Variants in MAGI1 observed in about 807,000 individuals in gnomAD.
MAGI1 encodes the protein membrane associated guanylate kinase, WW and PDZ domain containing 1.
In MAGI1, 58 loss-of-function variants were observed where a neutral mutation model predicts 139.9. That is an observed-to-expected ratio of 0.41 (90% CI 0.34 to 0.52). MAGI1 has a LOEUF of 0.52. MAGI1 is among the 20% of genes least tolerant of loss of function. The pLI, the probability that MAGI1 is intolerant of heterozygous loss-of-function variation, is 0.12. For missense variants in MAGI1, 1,874 were observed against 1,901.6 expected, an observed-to-expected ratio of 0.99 and a Z score of 0.27; for synonymous variants, 812 against 737.9, an observed-to-expected ratio of 1.10 and a Z score of -1.63.
intron 1 of MAGI1, among the ~76,000 whole-genome samples, chr3:65,791,186 C>T (rs553701327): frequency 6.6e-6 from 1 of 152,346 alleles, no homozygotes; most frequent in African/African-American, 2.4e-5. Flanking sequence ...TCCATTACTG[C>T]CAACCTCTCT....
chr3:65,877,279 G>A (rs1251929684), intron 1 of MAGI1, among the ~76,000 whole-genome samples: 1 of 152,138 alleles, frequency 6.6e-6, no homozygotes, highest in Non-Finnish European at 1.5e-5. Flanking sequence ...ATGTATGGGA[G>A]AGAAGAAATG....
chr3:66,023,956 T>G (rs2107563538), intron 1 of MAGI1, among the ~76,000 whole-genome samples: 1 of 152,266 alleles, frequency 6.6e-6, no homozygotes, highest in Non-Finnish European at 1.5e-5. Flanking sequence ...TCTCCCCAGC[T>G]CTTCATAACT....
intron 3 of MAGI1, among the ~76,000 whole-genome samples, chr3:65,481,718 T>C (rs991207444): frequency 7.2e-5 from 11 of 152,200 alleles, no homozygotes; most frequent in Admixed American, 4.6e-4. Flanking sequence ...TTATTAATCA[T>C]TTAAAATCAA....
intron 1 of MAGI1, among the ~76,000 whole-genome samples, chr3:65,984,160 G>A (rs1205473610): frequency 6.6e-6 from 1 of 152,148 alleles, no homozygotes; most frequent in African/African-American, 2.4e-5. Context: ...CAAGCATGGT[G>A]GCAGGAACCT....
At chr3:65,834,452 G>C (rs1345687496) in intron 1 of MAGI1, among the ~76,000 whole-genome samples, 1 of 152,176 alleles carries the variant, frequency 6.6e-6, no homozygotes, top group Non-Finnish European at 1.5e-5. Flanking sequence ...AATATACTCT[G>C]TATGATTTCA....
intron 1 of MAGI1, chr3:65,687,938 G>A (rs2088204298): frequency 1.4e-6 from 1 of 704,010 alleles, no homozygotes; most frequent in African/African-American, 1.8e-5. Context: ...GCTGGTTCAA[G>A]GAAAATGGCT....
intron 1 of MAGI1, among the ~76,000 whole-genome samples, chr3:65,806,282 A>C (rs186532782): frequency 6.6e-6 from 1 of 152,090 alleles, no homozygotes; most frequent in East Asian, 1.9e-4. Context: ...TACAAAAATT[A>C]GCCGGGCATG....
intron 1 of MAGI1, among the ~76,000 whole-genome samples, chr3:65,792,999 A>G (rs1204668780): frequency 6.6e-6 from 1 of 151,980 alleles, no homozygotes; most frequent in Non-Finnish European, 1.5e-5. Context: ...AGGGCATTTG[A>G]GTTTGGAAAA....
chr3:65,492,760 G>C (rs1952132836), intron 3 of MAGI1, among the ~76,000 whole-genome samples: 1 of 152,074 alleles, frequency 6.6e-6, no homozygotes, highest in African/African-American at 2.4e-5. Context: ...AAATCAGGCA[G>C]GTGGGAGACA....
intron 4 of MAGI1, among the ~76,000 whole-genome samples, chr3:65,471,033 G>A (rs972933468): frequency 7.2e-5 from 11 of 152,138 alleles, no homozygotes; most frequent in Non-Finnish European, 1.0e-4. Flanking sequence ...AAGCTGAAAC[G>A]TATACAAAAG....
At chr3:65,690,061 T>C (rs1166086874) in intron 1 of MAGI1, among the ~76,000 whole-genome samples, 1 of 152,124 alleles carries the variant, frequency 6.6e-6, no homozygotes. Context: ...CAGCTCTGCC[T>C]ACCACAGCAA....
At chr3:65,437,753 GAC>G (rs1315569748) in intron 9 of MAGI1, among the ~76,000 whole-genome samples, 1 of 152,128 alleles carries the variant, frequency 6.6e-6, no homozygotes, top group Non-Finnish European at 1.5e-5. Flanking sequence ...TGGAAGGCCA[GAC>G]ATAACTCACA....
intron 1 of MAGI1, among the ~76,000 whole-genome samples, chr3:65,985,431 G>C (rs956144377): frequency 3.3e-5 from 5 of 152,104 alleles, no homozygotes; most frequent in African/African-American, 1.2e-4. Flanking sequence ...TTGGTATACA[G>C]GCTCCTCCTT....
intron 2 of MAGI1, among the ~76,000 whole-genome samples, chr3:65,600,613 C>T (rs1203422148): frequency 7.0e-6 from 1 of 142,952 alleles, no homozygotes; most frequent in Non-Finnish European, 1.5e-5. Context: ...CCAGTAGGTC[C>T]TGGGCTAGCC....
At chr3:65,453,423 T>C (rs1949168079) in intron 5 of MAGI1, 83 bp from the exon 6 acceptor site, 1 of 985,752 alleles carries the variant, frequency 1.0e-6, no homozygotes, top group South Asian at 1.4e-5. Context: ...TTACACACTC[T>C]TGAATATTTC....
chr3:65,622,230 T>G (rs1160739596), intron 1 of MAGI1, 142 bp from the exon 2 acceptor site: 1 of 689,378 alleles, frequency 1.5e-6, no homozygotes, highest in African/African-American at 1.8e-5. Flanking sequence ...TACTTTAGGT[T>G]TTCCTCTGCA....
At chr3:65,464,194 A>C (rs550362037) in intron 5 of MAGI1, among the ~76,000 whole-genome samples, 2 of 152,114 alleles carry the variant, frequency 1.3e-5, no homozygotes, top group South Asian at 4.1e-4. Context: ...TTGAAGAATC[A>C]GCTATTTCTT....
At chr3:65,971,921 T>C (rs141260672) in intron 1 of MAGI1, among the ~76,000 whole-genome samples, 131 of 152,286 alleles carry the variant, frequency 8.6e-4, no homozygotes, top group African/African-American at 2.9e-3. Context: ...GCACACTTAA[T>C]AATCATGTCG....
chr3:65,644,526 A>C (rs957014473), intron 1 of MAGI1, among the ~76,000 whole-genome samples: 1 of 151,994 alleles, frequency 6.6e-6, no homozygotes, highest in Non-Finnish European at 1.5e-5. Context: ...GTACCACTGC[A>C]CTCAGCCTGA....
Sources: allele counts gnomAD v4.1 joint callset (sites outside exome capture counted in the v4.1 genomes callset), GRCh38; gene constraint gnomAD v4.1.1; transcripts MANE v1.5; gene names NCBI Gene and HGNC (gene_info 2026-07-23, HGNC 2026-07-21).